Variants in ZFAND2A observed in about 807,000 individuals in gnomAD.
ZFAND2A encodes the protein zinc finger AN1-type containing 2A.
Under a neutral mutation model 11.6 loss-of-function variants are expected in ZFAND2A, and 20 were observed. That is an observed-to-expected ratio of 1.72 (90% CI 1.21 to 2.50). ZFAND2A has a LOEUF of 2.50. ZFAND2A is among the 30% of genes most tolerant of loss of function. The probability of loss-of-function intolerance (pLI) is 0.00; values close to 1 mark genes in which losing one functional copy is unlikely to be tolerated. For synonymous variants in ZFAND2A, 93 were observed against 60.6 expected (o/e 1.54, Z -2.48); for missense variants, 234 against 182.9 (o/e 1.28, Z -1.61).
Position 1,152,932 on chromosome 7 carries a change from T to G in ZFAND2A, c.*137A>C, listed in dbSNP as rs1205251131. On this transcript the variant is annotated 3_prime_UTR_variant, in exon 5 of 5. Transcript: ENST00000316495. ...TCAACTTCAGCATTCAATTTTATTA[T>G]AGTCCCATCTCCCTCAACAAACAAG... The G allele has an allele frequency of 8.3e-7, 1 of 1,209,936 alleles. No individual in the cohort carries two copies. Among genetic ancestry groups the G allele is most frequent in the Admixed American group, 2.0e-5 (1 of 50,536 alleles). 75.0% of individuals were successfully genotyped at this position (1,209,936 alleles called of 1,614,324 possible).
intron 3 of ZFAND2A, chr7:1,157,453 C>T (rs1383851055): frequency 2.2e-6 from 1 of 458,050 alleles, no homozygotes; most frequent in South Asian, 3.3e-5. Context: ...AGTCATCCAA[C>T]AGAATGTCCT....
chr7:1,152,500 G>T (rs1028278916), downstream of ZFAND2A, among the ~76,000 whole-genome samples: 1 of 152,194 alleles, frequency 6.6e-6, no homozygotes, highest in African/African-American at 2.4e-5. Context: ...GATGCTTCTC[G>T]ATTTGACAAA....
downstream of ZFAND2A, among the ~76,000 whole-genome samples, chr7:1,150,887 CTT>C (rs10568309): frequency 1.4e-4 from 18 of 128,082 alleles, no homozygotes; most frequent in Admixed American, 3.1e-4. Context: ...ACAACTGTGC[CTT>C]TTTTTTTTTT....
intron 4 of ZFAND2A, among the ~76,000 whole-genome samples, chr7:1,153,968 G>A (rs1291511679): frequency 6.6e-6 from 1 of 152,042 alleles, no homozygotes; most frequent in Admixed American, 6.6e-5. Flanking sequence ...AAAAAAGCCG[G>A]TCAGCATTGA....
At chr7:1,148,875 C>G (rs1390095013), downstream of ZFAND2A, among the ~76,000 whole-genome samples, 5 of 148,638 alleles carry the variant, frequency 3.4e-5, no homozygotes, top group Non-Finnish European at 7.4e-5. Context: ...CTCTGTGACC[C>G]AGGCTGGAGT....
In ZFAND2A at chr7:1,158,235, C is replaced by G. The variant is rs1162859821; in HGVS notation, c.-23G>C. On this transcript the variant is annotated 5_prime_UTR_variant, in exon 2 of 5. Transcript: ENST00000316495. ...CATTATGAGAACAGTGCTCAAAACG[C>G]AGATGGCGGAGTTAAGTGTCACCTA... The G allele has an allele frequency of 6.2e-7, 1 of 1,612,834 alleles. No homozygotes were observed. Among genetic ancestry groups the G allele is most frequent in the Non-Finnish European group, 8.5e-7 (1 of 1,179,292 alleles).
chr7:1,152,401 C>A, downstream of ZFAND2A: 1 of 1,465,906 alleles, frequency 6.8e-7, no homozygotes, highest in South Asian at 1.4e-5. Context: ...CAAGAACCCA[C>A]ACAGCTTCCT....
At chr7:1,151,776 C>CAAAAAAAAAAAA (rs1563158643), downstream of ZFAND2A, among the ~76,000 whole-genome samples, 25 of 52,612 alleles carry the variant, frequency 4.8e-4, no homozygotes, top group African/African-American at 8.0e-4. Context: ...AAAAAAAAAG[C>CAAAAAAAAAAAA]AAAGCCAGCC....
At chr7:1,152,798 G>T, downstream of ZFAND2A, 1 of 563,428 alleles carries the variant, frequency 1.8e-6, no homozygotes, top group Admixed American at 2.8e-5. Flanking sequence ...GACATCCTGC[G>T]CCTGGACCTC....
At chr7:1,151,318 G>A (rs903162676), downstream of ZFAND2A, among the ~76,000 whole-genome samples, 3 of 152,272 alleles carry the variant, frequency 2.0e-5, no homozygotes, top group Admixed American at 6.5e-5. Flanking sequence ...CAAACAATGC[G>A]AGTAGCACCT....
At chr7:1,159,816 G>A (rs1479591525) in intron 1 of ZFAND2A, 148 bp downstream of exon 1, 2 of 43,280 alleles carry the variant, frequency 4.6e-5, no homozygotes, top group Non-Finnish European at 1.2e-4. Flanking sequence ...CCAGCAGACA[G>A]GCCGGACCCC....
chr7:1,159,481 G>A (rs4563779), intron 1 of ZFAND2A, among the ~76,000 whole-genome samples: 60,662 of 122,644 alleles, frequency 0.49, 14,515 homozygotes, highest in Non-Finnish European at 0.54. Context: ...CGGACCCCCA[G>A]CAGCCAGACC....
chr7:1,152,934 G>A lies in ZFAND2A; in HGVS notation c.*135C>T, dbSNP rs777743821. The A allele has an allele frequency of 1.6e-6, 2 of 1,226,504 alleles. No homozygotes were observed. The highest frequency in any genetic ancestry group is 2.0e-5 in the Admixed American group (1 of 50,550). 76.0% of individuals were successfully genotyped at this position (1,226,504 alleles called of 1,614,324 possible). The stretch of plus-strand genomic sequence containing the variant: ...AACTTCAGCATTCAATTTTATTATA[G>A]TCCCATCTCCCTCAACAAACAAGAT... On this transcript the variant is annotated 3_prime_UTR_variant, in exon 5 of 5. Coordinates refer to ENST00000316495, the MANE Select transcript of ZFAND2A (RefSeq NM_182491.4).
downstream of ZFAND2A, among the ~76,000 whole-genome samples, chr7:1,151,420 G>A (rs371830268): frequency 6.6e-6 from 1 of 151,954 alleles, no homozygotes; most frequent in East Asian, 1.9e-4. Context: ...GAGGTGACAT[G>A]GTGAAGAGCG....
chr7:1,150,262 T>A (rs901563959), downstream of ZFAND2A, among the ~76,000 whole-genome samples: 2 of 152,124 alleles, frequency 1.3e-5, no homozygotes, highest in Admixed American at 1.3e-4. Flanking sequence ...TCTGACCACC[T>A]TTTTGCAGAA....
At chr7:1,157,975 C>G (rs1454020970) in intron 2 of ZFAND2A, among the ~76,000 whole-genome samples, 183 bp downstream of exon 2, 1 of 152,170 alleles carries the variant, frequency 6.6e-6, no homozygotes, top group Non-Finnish European at 1.5e-5. Flanking sequence ...GCCCTGCTAG[C>G]CAGCCTGCAC....
intron 3 of ZFAND2A, 60 bp downstream of exon 3, chr7:1,157,596 G>A: frequency 1.3e-6 from 2 of 1,493,632 alleles, no homozygotes. Flanking sequence ...TACCATACCA[G>A]CAAGACAGTG....
rs114368155 is a variant in ZFAND2A, at chr7:1,157,235, A to G, written c.150+421T>C. Reference sequence around the variant, plus strand: ...GTCAAGGCTGCAGTTATTCAAATCAATAAGCGTATTTACTGCCTTCCTGAT... The same window carrying G: ...GTCAAGGCTGCAGTTATTCAAATCAGTAAGCGTATTTACTGCCTTCCTGAT... On this transcript the variant is annotated intron_variant, in intron 3 of 4. Coordinates refer to ENST00000316495, the MANE Select transcript of ZFAND2A (RefSeq NM_182491.4). The G allele has an allele frequency of 5.0e-3, 773 of 154,168 alleles. 5 individuals are homozygous for G. The highest frequency in any genetic ancestry group is 0.018 in the African/African-American group (739 of 41,618). The allele number at this position is 154,168 out of a possible 1,614,324, so 9.6% of individuals were successfully genotyped here.
intron 3 of ZFAND2A, 52 bp from the exon 4 acceptor site, chr7:1,155,636 A>T: frequency 6.3e-7 from 1 of 1,594,614 alleles, no homozygotes. Flanking sequence ...ACTTAAACTC[A>T]CAGAAGTTTT....
Sources: allele counts gnomAD v4.1 joint callset (sites outside exome capture counted in the v4.1 genomes callset), GRCh38; gene constraint gnomAD v4.1.1; transcripts MANE v1.5; gene names NCBI Gene and HGNC (gene_info 2026-07-23, HGNC 2026-07-21).